The following DHRSX variants were observed in gnomAD, a reference collection of about 807,000 sequenced individuals.
The protein encoded by DHRSX is dehydrogenase/reductase X-linked, also known as polyprenol dehydrogenase.
A neutral mutation model predicts 34.0 loss-of-function variants in DHRSX; 31 were observed. The observed-to-expected ratio is 0.91, with a 90% confidence interval of 0.69 to 1.23. The LOEUF is 1.23. Ranked by LOEUF, DHRSX falls within the 50% of genes most tolerant of loss-of-function variation. The pLI is 0.00. For synonymous variants in DHRSX, 201 were observed against 183.8 expected (o/e 1.09, Z -0.76); for missense variants, 414 against 428.1 (o/e 0.97, Z 0.29).
At position 2,324,286 on chromosome X, in the gene DHRSX, G is replaced by A. The variant is rs987258118; in HGVS notation, c.287-32683C>T. ...ACATTGAATGCACTGAGACGGCGCT[G>A]CATGAAGCCTGTCTGTGAGTTTATG... On this transcript the variant is annotated intron_variant, in intron 3 of 6. Transcript: ENST00000334651. Among the ~76,000 whole-genome samples the A allele has an allele frequency of 1.2e-4, 18 of 152,128 alleles. 1 individual carries two copies. Among genetic ancestry groups the A allele is most frequent in the African/African-American group, 4.1e-4 (17 of 41,432 alleles).
intron 1 of DHRSX, among the ~76,000 whole-genome samples, chrX:2,461,756 A>G (rs1231593487): frequency 6.6e-6 from 1 of 151,934 alleles, no homozygotes; most frequent in Non-Finnish European, 1.5e-5. Flanking sequence ...TTGGTTTCCC[A>G]GGCTGTGATC....
chrX:2,477,180 G>T (rs1311176039), intron 1 of DHRSX, among the ~76,000 whole-genome samples: 3 of 152,024 alleles, frequency 2.0e-5, no homozygotes, highest in South Asian at 2.1e-4. Context: ...CCCTGCTCTG[G>T]GCTTCCACAA....
intron 3 of DHRSX, among the ~76,000 whole-genome samples, chrX:2,355,651 G>A (rs1453948936): frequency 2.0e-5 from 3 of 149,748 alleles, no homozygotes; most frequent in East Asian, 2.0e-4. Context: ...AATATTAAAC[G>A]TTTAACAAAA....
intron 1 of DHRSX, among the ~76,000 whole-genome samples, chrX:2,470,305 G>C (rs2044569427): frequency 6.6e-6 from 1 of 151,372 alleles, no homozygotes; most frequent in African/African-American, 2.4e-5. Context: ...CTCATGTCTG[G>C]AATCACTGTG....
At chrX:2,472,445 G>A (rs762828434) in intron 1 of DHRSX, among the ~76,000 whole-genome samples, 11 of 152,250 alleles carry the variant, frequency 7.2e-5, no homozygotes, top group South Asian at 2.1e-4. Context: ...CAATTTACCC[G>A]TGTAATGAAC....
intron 1 of DHRSX, among the ~76,000 whole-genome samples, chrX:2,474,516 C>T (rs1250473221): frequency 4.0e-5 from 6 of 151,296 alleles, no homozygotes; most frequent in Non-Finnish European, 7.4e-5. Flanking sequence ...GGGACCACAA[C>T]GGTGTACACA....
chrX:2,413,130 G>C (rs985658849), intron 2 of DHRSX, among the ~76,000 whole-genome samples: 8 of 152,164 alleles, frequency 5.3e-5, no homozygotes, highest in African/African-American at 1.9e-4. Context: ...AGGAGGTGGA[G>C]GTTGCAGTGA....
chrX:2,485,030 G>A lies in DHRSX; in HGVS notation c.109+15787C>T, dbSNP rs763542220. ...CAGAGGCCTGCTGGGAAAACAGTTC[G>A]AAGCAGGCAATTCTGCAAAGTGGGG... is the stretch of plus-strand genomic sequence containing the variant. On this transcript the variant is annotated intron_variant, in intron 1 of 6. Coordinates refer to ENST00000334651, the MANE Select transcript of DHRSX (RefSeq NM_145177.3). Among the ~76,000 whole-genome samples the A allele has an allele frequency of 8.1e-4, 123 of 152,280 alleles. 1 individual carries two copies. Among genetic ancestry groups the A allele is most frequent in the African/African-American group, 2.7e-3 (114 of 41,548 alleles).
chrX:2,224,267 G>A (rs995264664), intron 6 of DHRSX, among the ~76,000 whole-genome samples: 46 of 151,856 alleles, frequency 3.0e-4, no homozygotes, highest in African/African-American at 1.1e-3. Flanking sequence ...CCGCTCCTGG[G>A]TTCTCCTGCA....
At chrX:2,314,571 G>A (rs1353892573) in intron 3 of DHRSX, among the ~76,000 whole-genome samples, 1 of 151,026 alleles carries the variant, frequency 6.6e-6, no homozygotes, top group Admixed American at 6.6e-5. Flanking sequence ...GACTTCTCAG[G>A]GCAATTTCAA....
At chrX:2,264,697 C>T (rs2041418016) in intron 5 of DHRSX, among the ~76,000 whole-genome samples, 1 of 147,984 alleles carries the variant, frequency 6.8e-6, no homozygotes, top group Admixed American at 6.7e-5. Context: ...GCACGTGCGC[C>T]CAGTAGACAC....
chrX:2,438,804 T>C (rs2044029024), intron 1 of DHRSX, among the ~76,000 whole-genome samples: 1 of 151,550 alleles, frequency 6.6e-6, no homozygotes, highest in Admixed American at 6.6e-5. Context: ...TACACATACA[T>C]ATATATGCAT....
intron 3 of DHRSX, among the ~76,000 whole-genome samples, chrX:2,293,368 G>T (rs1241863279): frequency 5.9e-5 from 9 of 151,790 alleles, no homozygotes; most frequent in Admixed American, 5.3e-4. Flanking sequence ...CAAGGAGGTT[G>T]GGAGAACAAT....
chrX:2,310,528 C>CTGTGTG (rs34128259), intron 3 of DHRSX, among the ~76,000 whole-genome samples: 4 of 149,236 alleles, frequency 2.7e-5, no homozygotes, highest in Admixed American at 2.0e-4. Context: ...CGAGATTATT[C>CTGTGTG]TGTGTGTGTG....
intron 5 of DHRSX, among the ~76,000 whole-genome samples, chrX:2,251,420 T>G (rs2016431319): frequency 6.6e-6 from 1 of 152,188 alleles, no homozygotes; most frequent in Non-Finnish European, 1.5e-5. Context: ...AAAAGTGCTT[T>G]TTCCTTTCTC....
intron 3 of DHRSX, among the ~76,000 whole-genome samples, chrX:2,301,703 A>T (rs1472376822): frequency 6.6e-6 from 1 of 151,924 alleles, no homozygotes; most frequent in Admixed American, 6.6e-5. Flanking sequence ...CGGTGGTGCG[A>T]TCTCGGCTCA....
intron 5 of DHRSX, among the ~76,000 whole-genome samples, chrX:2,254,247 A>C (rs1351751909): frequency 6.6e-6 from 1 of 152,188 alleles, no homozygotes; most frequent in African/African-American, 2.4e-5. Context: ...AAGCAAGGAC[A>C]ACTGAGTTTT....
intron 5 of DHRSX, among the ~76,000 whole-genome samples, chrX:2,244,302 C>CCTCTCTCT (rs780533250): frequency 0.4 from 59,923 of 150,436 alleles, 12,863 homozygotes; most frequent in Middle Eastern, 0.53. Context: ...GAGTAACGTG[C>CCTCTCTCT]CTCTCTCTCT....
intron 3 of DHRSX, among the ~76,000 whole-genome samples, chrX:2,346,801 T>C (rs1318954266): frequency 4.6e-5 from 7 of 151,936 alleles, no homozygotes; most frequent in Non-Finnish European, 8.8e-5. Context: ...CCTCCCCCAG[T>C]CCCCTACTCC....
Sources: allele counts gnomAD v4.1 joint callset (sites outside exome capture counted in the v4.1 genomes callset), GRCh38; gene constraint gnomAD v4.1.1; transcripts MANE v1.5; gene names NCBI Gene and HGNC (gene_info 2026-07-23, HGNC 2026-07-21).